The following ACTR3C variants were observed in gnomAD, a reference collection of about 807,000 sequenced individuals.
ACTR3C encodes actin-related protein 3C.
In ACTR3C, 18 loss-of-function variants were observed where a neutral mutation model predicts 26.3. That is an observed-to-expected ratio of 0.68 (90% CI 0.47 to 1.01). The LOEUF (loss-of-function observed/expected upper bound fraction) is 1.01. ACTR3C is among the 50% of genes least tolerant of loss of function. The pLI is 0.00. For missense variants in ACTR3C, 184 were observed against 250.7 expected (o/e 0.73, Z 1.80); for synonymous variants, 55 against 94.5 (o/e 0.58, Z 2.42).
At chr7:150,171,199 C>G in the ACTR3C span, among the ~76,000 whole-genome samples, 1 of 142,976 alleles carries the variant, frequency 7.0e-6, no homozygotes, top group Non-Finnish European at 1.5e-5. Flanking sequence ...TCACTCGCCA[C>G]AGTAGACCCA....
downstream of ACTR3C, chr7:150,245,374 A>G (rs530587040): frequency 6.6e-6 from 1 of 152,140 alleles, no homozygotes; most frequent in East Asian, 1.9e-4. Context: ...TTTACTCAAA[A>G]TCTCCTGTGG....
chr7:150,212,890 C>T, the ACTR3C span, among the ~76,000 whole-genome samples: 10 of 151,114 alleles, frequency 6.6e-5, no homozygotes, highest in East Asian at 1.4e-3. Context: ...TCATTAACTG[C>T]GTTTTGTTGG....
chr7:149,885,982 C>T, the ACTR3C span, among the ~76,000 whole-genome samples: 5 of 152,346 alleles, frequency 3.3e-5, no homozygotes, highest in South Asian at 6.2e-4. Context: ...GTGACTTAAT[C>T]TTTCTGAGCT....
At chr7:150,048,668 C>T in the ACTR3C span, among the ~76,000 whole-genome samples, 2 of 152,014 alleles carry the variant, frequency 1.3e-5, no homozygotes, top group Non-Finnish European at 2.9e-5. Context: ...CGCGCTGCGG[C>T]GCCGGGCTCC....
chr7:149,955,678 G>A, the ACTR3C span, among the ~76,000 whole-genome samples: 1 of 152,138 alleles, frequency 6.6e-6, no homozygotes, highest in African/African-American at 2.4e-5. Context: ...GGTAAGAAGA[G>A]AAACTATTAA....
chr7:150,260,442 C>G (rs968599548), intron 6 of ACTR3C, among the ~76,000 whole-genome samples: 2 of 152,078 alleles, frequency 1.3e-5, no homozygotes, highest in Non-Finnish European at 2.9e-5. Context: ...ACCTTCATAT[C>G]TTTTTTTGTT....
At chr7:150,044,039 T>A in the ACTR3C span, among the ~76,000 whole-genome samples, 1 of 152,208 alleles carries the variant, frequency 6.6e-6, no homozygotes. Flanking sequence ...TTTTAACCAA[T>A]TTGCTGCTTT....
the ACTR3C span, among the ~76,000 whole-genome samples, chr7:150,109,653 C>G: frequency 1.3e-5 from 2 of 149,662 alleles, no homozygotes; most frequent in Admixed American, 1.3e-4. Context: ...TCTAGGGACC[C>G]CTTTATCCTC....
chr7:150,055,589 G>A, the ACTR3C span, among the ~76,000 whole-genome samples: 2 of 150,914 alleles, frequency 1.3e-5, no homozygotes, highest in East Asian at 1.9e-4. Flanking sequence ...AAGCTGTTTC[G>A]CCCTTGAACT....
chr7:150,299,799 A>G (rs1404072095), intron 1 of ACTR3C, among the ~76,000 whole-genome samples: 1 of 151,930 alleles, frequency 6.6e-6, no homozygotes, highest in African/African-American at 2.4e-5. Context: ...AACAAAAAAC[A>G]AGGTCGGGGG....
chr7:149,984,257 G>A, the ACTR3C span, among the ~76,000 whole-genome samples: 3,334 of 151,446 alleles, frequency 0.022, 124 homozygotes, highest in African/African-American at 0.076. Context: ...AGGCAGGAGT[G>A]CAGCAGCATA....
At chr7:150,078,258 T>C in the ACTR3C span, among the ~76,000 whole-genome samples, 2 of 149,538 alleles carry the variant, frequency 1.3e-5, no homozygotes, top group African/African-American at 5.0e-5. Flanking sequence ...CAAAGGCAAA[T>C]GCAAGTGTCC....
At chr7:150,211,169 G>T in the ACTR3C span, among the ~76,000 whole-genome samples, 1 of 148,688 alleles carries the variant, frequency 6.7e-6, no homozygotes, top group Admixed American at 6.6e-5. Flanking sequence ...GAAGTCTAAA[G>T]GACATCTACT....
chr7:150,011,429 T>C, the ACTR3C span, among the ~76,000 whole-genome samples: 2 of 151,830 alleles, frequency 1.3e-5, no homozygotes, highest in Non-Finnish European at 2.9e-5. Flanking sequence ...ACTAAATATA[T>C]AAAAAATTAG....
chr7:149,911,890 G>A, the ACTR3C span, among the ~76,000 whole-genome samples: 3 of 151,592 alleles, frequency 2.0e-5, no homozygotes, highest in African/African-American at 4.8e-5. Context: ...GTCAGTTACT[G>A]TAAAATGGGG....
the ACTR3C span, among the ~76,000 whole-genome samples, chr7:150,037,842 A>C: frequency 1.4e-4 from 10 of 73,930 alleles, 1 homozygote; most frequent in South Asian, 4.3e-4. Context: ...TGCCTCGCGG[A>C]GGGTGCCTCC....
At chr7:150,169,403 A>AAG in the ACTR3C span, among the ~76,000 whole-genome samples, 1 of 145,246 alleles carries the variant, frequency 6.9e-6, no homozygotes, top group African/African-American at 2.8e-5. Context: ...AAAAAAAAAA[A>AAG]AAGAAGAAGA....
chr7:150,271,291 A>G (rs1834430920), intron 6 of ACTR3C, among the ~76,000 whole-genome samples: 1 of 147,770 alleles, frequency 6.8e-6, no homozygotes, highest in Non-Finnish European at 1.5e-5. Context: ...TGCACCCACC[A>G]ACCCGTCATC....
At chr7:149,984,118 AAAAG>A in the ACTR3C span, among the ~76,000 whole-genome samples, 26 of 152,360 alleles carry the variant, frequency 1.7e-4, no homozygotes, top group South Asian at 2.1e-3. Context: ...TATCACAAAA[AAAAG>A]AAAGAAAGAA....
Sources: allele counts gnomAD v4.1 joint callset (sites outside exome capture counted in the v4.1 genomes callset), GRCh38; gene constraint gnomAD v4.1.1; transcripts MANE v1.5; gene names NCBI Gene and HGNC (gene_info 2026-07-23, HGNC 2026-07-21).